Variants in ALS2 observed in about 807,000 individuals in gnomAD.
The protein encoded by ALS2 is alsin Rho guanine nucleotide exchange factor ALS2.
A neutral mutation model predicts 203.4 loss-of-function variants in ALS2; 117 were observed. The ratio of observed to expected loss-of-function variants is 0.58; its 90% CI spans 0.50 to 0.67. The LOEUF is 0.67. Ranked by LOEUF, ALS2 falls within the 30% of genes least tolerant of loss-of-function variation. ALS2 has a pLI of 0.00. For missense variants in ALS2, 1,715 were observed against 1,989.4 expected, an observed-to-expected ratio of 0.86 and a Z score of 2.62; for synonymous variants, 718 against 725.9, an observed-to-expected ratio of 0.99 and a Z score of 0.17.
intron 1 of ALS2, among the ~76,000 whole-genome samples, chr2:201,770,840 T>C (rs1258104862): frequency 6.6e-6 from 1 of 152,114 alleles, no homozygotes; most frequent in Admixed American, 6.6e-5. Context: ...AATTCTTTCC[T>C]AGAGCGTCCA....
In ALS2 at chr2:201,760,963, G is replaced by A. The variant is rs1430959257; in HGVS notation, c.1031C>T (p.Ala344Val). Residue 344 changes from alanine (A) to valine (V), a missense_variant, in exon 4 of 34, where the codon GCA becomes GTA. By Grantham distance (64) the Ala-to-Val change is moderately conservative. This residue lies in a region of ALS2 where 476 missense variants were observed against 539.3 expected (regional missense o/e 0.88). Coordinates refer to ENST00000264276, the MANE Select transcript of ALS2 (RefSeq NM_020919.4). ...CAGTTTCCGTAGGTATTCATTGACT[G>A]CTTGGGTGTCAGGGTATGATGGTAT... The part of the protein sequence containing the change: ...RNIPSYPDTQ[A>V]VNEYLRKLSD... 1.9e-6 allele frequency: 3 copies of A among 1,614,160 alleles called. No individual in the cohort carries two copies. The highest frequency in any genetic ancestry group is 2.2e-5 in the East Asian group (1 of 44,880).
rs968741504 is a variant in ALS2 at position 201,724,156 on chromosome 2, T to C, written c.3512+139A>G. ...TAAAAGGGTTTGTCATAAAAGAAGGTTCATTTTTCACCTACTCAAACTCAA... is the reference window on the plus strand; with the variant it reads ...TAAAAGGGTTTGTCATAAAAGAAGGCTCATTTTTCACCTACTCAAACTCAA... On this transcript the variant is annotated intron_variant, in intron 21 of 33. Coordinates refer to ENST00000264276, the MANE Select transcript of ALS2 (RefSeq NM_020919.4). 13 of 868,036 alleles carry C rather than the reference T, an allele frequency of 1.5e-5. No homozygotes were observed. The East Asian group carries it at 1.6e-4, about 11-fold the overall frequency. 53.8% of individuals were successfully genotyped at this position (868,036 alleles called of 1,614,324 possible).
chr2:201,744,147 T>C, intron 10 of ALS2, 111 bp downstream of exon 10: 1 of 1,209,692 alleles, frequency 8.3e-7, no homozygotes, highest in Non-Finnish European at 1.2e-6. Flanking sequence ...ACAAAGACAG[T>C]GCATAGCAAG....
chr2:201,768,703 C>T (rs961353499), intron 2 of ALS2, among the ~76,000 whole-genome samples, 163 bp downstream of exon 2: 1 of 152,258 alleles, frequency 6.6e-6, no homozygotes, highest in East Asian at 1.9e-4. Context: ...AACTAACAAG[C>T]CTTTTTAAAA....
intron 25 of ALS2, 121 bp downstream of exon 25, chr2:201,715,551 A>G (rs1690321169): frequency 8.2e-7 from 1 of 1,219,408 alleles, no homozygotes; most frequent in Non-Finnish European, 1.2e-6. Context: ...AATCTCTCTT[A>G]CTCAGAAGCG....
chr2:201,705,903 G>T (rs1208086), intron 29 of ALS2, among the ~76,000 whole-genome samples: 148,557 of 151,534 alleles, frequency 0.98, 72,886 homozygotes, highest in Middle Eastern at 1. Context: ...TAGCCAAGAT[G>T]GTGCCACTGC....
chr2:201,743,790 C>T (rs1034466317), intron 10 of ALS2, among the ~76,000 whole-genome samples: 10 of 152,296 alleles, frequency 6.6e-5, no homozygotes, highest in Non-Finnish European at 1.0e-4. Flanking sequence ...AGAGCTTTAA[C>T]ACTCTTATAG....
At chr2:201,733,198 T>G (rs1691681338) in intron 13 of ALS2, 78 bp downstream of exon 13, 1 of 1,445,398 alleles carries the variant, frequency 6.9e-7, no homozygotes, top group South Asian at 1.2e-5. Context: ...GTTCCAGATC[T>G]TGTGGTGGCA....
At chr2:201,707,314 ACTTC>A (rs1689776734) in intron 28 of ALS2, among the ~76,000 whole-genome samples, 1 of 152,082 alleles carries the variant, frequency 6.6e-6, no homozygotes, top group Non-Finnish European at 1.5e-5. Flanking sequence ...GTGTGATGTT[ACTTC>A]CTTTGCTAAG....
intron 3 of ALS2, among the ~76,000 whole-genome samples, chr2:201,764,683 A>AAATAAATAAATAAATG (rs966398467): frequency 6.7e-6 from 1 of 148,570 alleles, no homozygotes; most frequent in African/African-American, 2.5e-5. Flanking sequence ...ATAAATAAAT[A>AAATAAATAAATAAATG]AAAGTGAATC....
chr2:201,704,128 G>C lies in ALS2; in HGVS notation c.4929C>G (p.Thr1643=). ...AAATAATAACTATACTCACCTTCAA[G>C]GTGGTGAACATTATACCCTGTTCCC... The part of the protein sequence containing the change: ...QHGEQGIMFT[T]LKACYYQIQR... Residue 1643 remains threonine (T), a synonymous_variant, in exon 33 of 34, where the codon ACC becomes ACG. Transcript: ENST00000264276. 6.2e-7 allele frequency: 1 copy of C among 1,608,970 alleles called. No homozygotes were observed. Among genetic ancestry groups the C allele is most frequent in the Non-Finnish European group, 8.5e-7 (1 of 1,175,410 alleles).
intron 1 of ALS2, among the ~76,000 whole-genome samples, chr2:201,769,216 A>G (rs928519089): frequency 6.6e-6 from 1 of 152,172 alleles, no homozygotes; most frequent in Non-Finnish European, 1.5e-5. Flanking sequence ...CAGGCAATAG[A>G]TTTTGTTTTT....
chr2:201,717,170 G>A (rs1690456873), intron 24 of ALS2, among the ~76,000 whole-genome samples: 1 of 151,852 alleles, frequency 6.6e-6, no homozygotes, highest in African/African-American at 2.4e-5. Flanking sequence ...TTCCATTTAA[G>A]AATGCTCTTT....
intron 27 of ALS2, 24 bp from the exon 28 acceptor site, chr2:201,708,015 T>C (rs776801576): frequency 6.2e-7 from 1 of 1,601,270 alleles, no homozygotes; most frequent in Admixed American, 1.7e-5. Flanking sequence ...AAAAATATAA[T>C]TATACAATTA....
intron 12 of ALS2, among the ~76,000 whole-genome samples, chr2:201,737,182 AT>A: frequency 6.6e-6 from 1 of 152,294 alleles, no homozygotes. Flanking sequence ...ACAACTATTT[AT>A]ATAGCATTTA....
chr2:201,734,877 C>T (rs1334851497), intron 12 of ALS2, among the ~76,000 whole-genome samples: 4 of 152,158 alleles, frequency 2.6e-5, no homozygotes, highest in Non-Finnish European at 5.9e-5. Flanking sequence ...CAATATCACT[C>T]TTTCCTTATA....
In ALS2 at chr2:201,777,731, TTAGA is replaced by T. The variant is rs992856843; in HGVS notation, c.-61+3142_-61+3145del. 9.3e-4 allele frequency among the ~76,000 whole-genome samples: 142 copies of T among 152,318 alleles called. 1 individual carries two copies. The highest frequency in any genetic ancestry group is 3.4e-3 in the African/African-American group (141 of 41,580). On this transcript the variant is annotated intron_variant, in intron 1 of 33. Transcript: ENST00000264276. ...TCATATTTACTTTTATGTACTTTCA[TTAGA>T]TATACACATATCAATAAATAATGCA... is the stretch of plus-strand genomic sequence containing the variant.
At chr2:201,707,202 T>C (rs1276389495) in intron 28 of ALS2, among the ~76,000 whole-genome samples, 180 bp from the exon 29 acceptor site, 1 of 152,186 alleles carries the variant, frequency 6.6e-6, no homozygotes, top group Non-Finnish European at 1.5e-5. Flanking sequence ...TATAATTTTG[T>C]CTTAGAGGAA....
intron 27 of ALS2, among the ~76,000 whole-genome samples, chr2:201,708,635 T>G (rs527386021): frequency 6.6e-6 from 1 of 152,330 alleles, no homozygotes; most frequent in African/African-American, 2.4e-5. Context: ...TTTTAAAACT[T>G]GCTGAAAATT....
Sources: gnomAD v4.1 joint callset for allele counts (sites outside exome capture counted in the v4.1 genomes callset) on GRCh38, gnomAD v4.1.1 for gene constraint, gnomAD v4.1.1 regional missense constraint, MANE v1.5 for transcripts, NCBI Gene and HGNC (gene_info 2026-07-23, HGNC 2026-07-21) for gene names.